The following PTPRG variants were observed in gnomAD, a reference collection of about 807,000 sequenced individuals.
The protein encoded by PTPRG is protein tyrosine phosphatase receptor type G.
A neutral mutation model predicts 165.3 loss-of-function variants in PTPRG; 102 were observed. That is an observed-to-expected ratio of 0.62 (90% CI 0.53 to 0.73). PTPRG has a LOEUF of 0.73. Ranked by LOEUF, PTPRG falls within the 30% of genes least tolerant of loss-of-function variation. The probability of loss-of-function intolerance (pLI) is 0.00; values close to 1 mark genes in which losing one functional copy is unlikely to be tolerated. For missense variants in PTPRG, 1,866 were observed against 1,861.4 expected (o/e 1.00, Z -0.05); for synonymous variants, 675 against 669.5 (o/e 1.01, Z -0.13).
intron 6 of PTPRG, among the ~76,000 whole-genome samples, chr3:62,141,186 T>C (rs1318208623): frequency 1.3e-5 from 2 of 152,158 alleles, no homozygotes; most frequent in Non-Finnish European, 1.5e-5. Flanking sequence ...GGAACTCTCA[T>C]GTTGTTGGTA....
At position 62,201,524 on chromosome 3, in the gene PTPRG, C is replaced by A; in HGVS notation, c.1347C>A (p.Phe449Leu). Residue 449 changes from phenylalanine (F) to leucine (L), a missense_variant, in exon 11 of 30, where the codon TTC becomes TTA. Phe to Leu is a conservative substitution (Grantham distance 22, BLOSUM62 0). Around this residue, in one of 3 missense-constraint regions of PTPRG, gnomAD observed 1,452 missense variants for 1,463.0 expected, o/e 0.99. Transcript: ENST00000474889. ...TCTCAGCTAATACCACTCGAATATT[C>A]CAAGGGACCAGAATAGTGAAAACAG... ...MLFQANTTRI[F>L]QGTRIVKTGV... 1 of 1,610,300 alleles carries A rather than the reference C, an allele frequency of 6.2e-7. No individual in the cohort carries two copies. The highest frequency in any genetic ancestry group is 1.1e-5 in the South Asian group (1 of 90,212).
intron 4 of PTPRG, among the ~76,000 whole-genome samples, chr3:62,026,085 A>G (rs2041797531): frequency 6.6e-6 from 1 of 152,198 alleles, no homozygotes; most frequent in African/African-American, 2.4e-5. Flanking sequence ...TGGGTAATCA[A>G]TGGTGTAAGT....
At chr3:62,105,929 C>A (rs532912682) in intron 5 of PTPRG, among the ~76,000 whole-genome samples, 2 of 152,156 alleles carry the variant, frequency 1.3e-5, no homozygotes, top group African/African-American at 4.8e-5. Flanking sequence ...ATGACAGATG[C>A]AAGCTATGCT....
intron 1 of PTPRG, among the ~76,000 whole-genome samples, chr3:61,732,231 A>G (rs1037726703): frequency 7.9e-5 from 12 of 152,208 alleles, no homozygotes; most frequent in African/African-American, 2.7e-4. Context: ...TCAGAATTTT[A>G]AAAATGTTGA....
rs1704233982 is a variant in PTPRG, at chr3:62,149,225, T to C, written c.683-7842T>C. On this transcript the variant is annotated intron_variant, in intron 6 of 29. Transcript: ENST00000474889. The stretch of plus-strand genomic sequence containing the variant: ...GAGAGCAAGTATTTTTGTTTGTATT[T>C]GGATCATAAAATTAACTCCCTCTGG... Among the ~76,000 whole-genome samples, 7 of 151,422 alleles carry C rather than the reference T, an allele frequency of 4.6e-5. No homozygotes were observed. In the South Asian group the frequency reaches 1.3e-3, roughly 27 times the overall value.
intron 2 of PTPRG, among the ~76,000 whole-genome samples, chr3:61,934,639 G>C (rs1157600402): frequency 6.6e-6 from 1 of 152,000 alleles, no homozygotes; most frequent in Non-Finnish European, 1.5e-5. Context: ...CCAGCTGGAA[G>C]GTACAAAGTA....
chr3:61,618,682 AT>A (rs2106891714), intron 1 of PTPRG, among the ~76,000 whole-genome samples: 1 of 152,214 alleles, frequency 6.6e-6, no homozygotes, highest in East Asian at 1.9e-4. Flanking sequence ...CTCTGAAGAA[AT>A]TTTTCTTAAG....
At chr3:62,012,732 G>A (rs1339308084) in intron 4 of PTPRG, among the ~76,000 whole-genome samples, 2 of 152,088 alleles carry the variant, frequency 1.3e-5, no homozygotes, top group African/African-American at 2.4e-5. Context: ...AGATTTTCAA[G>A]CATTGAAAAG....
At chr3:62,111,232 C>T (rs577907601) in intron 5 of PTPRG, among the ~76,000 whole-genome samples, 1 of 152,182 alleles carries the variant, frequency 6.6e-6, no homozygotes, top group Non-Finnish European at 1.5e-5. Flanking sequence ...GCAGTGCCTG[C>T]GGAGCTCGGA....
rs768996041 is a variant in PTPRG, at chr3:62,267,768, A to T, written c.2823A>T (p.Glu941Asp). 19 of 1,613,468 alleles carry T rather than the reference A, an allele frequency of 1.2e-5. No homozygotes were observed. The highest frequency in any genetic ancestry group is 1.6e-5 in the Non-Finnish European group (19 of 1,179,572). The change falls in exon 19 of 30, where the codon GAA becomes GAT. Residue 941 changes from glutamate (E) to aspartate (D), a missense_variant. By Grantham distance (45) the Glu-to-Asp change is conservative (BLOSUM62 2). This residue lies in a region of PTPRG where 1,452 missense variants were observed against 1,463.0 expected (regional missense o/e 0.99). Coordinates refer to ENST00000474889, the MANE Select transcript of PTPRG (RefSeq NM_002841.4). Reference protein sequence around the residue: ...TFEDFWRMIWEQNTGIIVMIT... With the variant: ...TFEDFWRMIWDQNTGIIVMIT... ...AAGATTTCTGGAGGATGATTTGGGAACAAAACACTGGAATCATTGTGATGA... is the reference window on the plus strand; with the variant it reads ...AAGATTTCTGGAGGATGATTTGGGATCAAAACACTGGAATCATTGTGATGA...
intron 2 of PTPRG, among the ~76,000 whole-genome samples, chr3:61,864,843 C>T (rs2037362559): frequency 6.6e-6 from 1 of 152,314 alleles, no homozygotes; most frequent in South Asian, 2.1e-4. Flanking sequence ...TCTGTTCTCT[C>T]ATTCTTCCCA....
chr3:62,157,015 G>A (rs1221031419), intron 6 of PTPRG, 52 bp from the exon 7 acceptor site: 32 of 1,493,700 alleles, frequency 2.1e-5, no homozygotes, highest in South Asian at 1.7e-4. Flanking sequence ...TCTGCGGCTC[G>A]GAATGGCATG....
intron 8 of PTPRG, among the ~76,000 whole-genome samples, chr3:62,187,021 T>C (rs1279976207): frequency 6.6e-6 from 1 of 152,224 alleles, no homozygotes; most frequent in African/African-American, 2.4e-5. Flanking sequence ...TTACTCCATA[T>C]ACAACCAACT....
At chr3:61,971,033 A>G (rs909197709) in intron 2 of PTPRG, among the ~76,000 whole-genome samples, 7 of 152,240 alleles carry the variant, frequency 4.6e-5, no homozygotes, top group African/African-American at 1.7e-4. Context: ...AATATTAGTG[A>G]TGGTAGTAGT....
At chr3:61,606,163 C>A (rs1348506343) in intron 1 of PTPRG, among the ~76,000 whole-genome samples, 1 of 152,178 alleles carries the variant, frequency 6.6e-6, no homozygotes, top group African/African-American at 2.4e-5. Context: ...GGGTGCCAGC[C>A]AGGGCTGTGA....
intron 1 of PTPRG, among the ~76,000 whole-genome samples, chr3:61,676,700 ATC>A (rs1011871337): frequency 6.6e-6 from 1 of 152,038 alleles, no homozygotes; most frequent in African/African-American, 2.4e-5. Context: ...CATGGTGTGT[ATC>A]TCTCTGTTGT....
chr3:62,173,454 C>T (rs2106751443), intron 8 of PTPRG, among the ~76,000 whole-genome samples: 1 of 152,264 alleles, frequency 6.6e-6, no homozygotes, highest in East Asian at 1.9e-4. Context: ...GGCCTTGGGA[C>T]TGTAGTTTAC....
intron 4 of PTPRG, among the ~76,000 whole-genome samples, chr3:62,050,844 C>G (rs1013668053): frequency 2.6e-5 from 4 of 152,138 alleles, no homozygotes; most frequent in African/African-American, 9.7e-5. Flanking sequence ...TAAAACAGCT[C>G]CATCCTACAT....
At chr3:61,611,802 T>A (rs937179024) in intron 1 of PTPRG, among the ~76,000 whole-genome samples, 1 of 152,238 alleles carries the variant, frequency 6.6e-6, no homozygotes, top group East Asian at 1.9e-4. Context: ...ACTCTGAAGT[T>A]GAATTTCATA....
Sources: allele counts gnomAD v4.1 joint callset (sites outside exome capture counted in the v4.1 genomes callset), GRCh38; gene constraint gnomAD v4.1.1; regional missense constraint gnomAD v4.1.1; transcripts MANE v1.5; gene names NCBI Gene and HGNC (gene_info 2026-07-23, HGNC 2026-07-21).